The following SDK2 variants were observed in gnomAD, a reference collection of about 807,000 sequenced individuals.
The protein encoded by SDK2 is sidekick cell adhesion molecule 2.
A neutral mutation model predicts 253.9 loss-of-function variants in SDK2; 105 were observed. The observed-to-expected ratio is 0.41, with a 90% CI of 0.35 to 0.49. The LOEUF (loss-of-function observed/expected upper bound fraction) is 0.49. Ranked by LOEUF, SDK2 falls within the 20% of genes least tolerant of loss-of-function variation. SDK2 has a pLI of 0.06. For synonymous variants in SDK2, 1,249 were observed against 1,234.9 expected (o/e 1.01, Z -0.24); for missense variants, 2,608 against 3,003.0 (o/e 0.87, Z 3.07).
intron 26 of SDK2, 51 bp downstream of exon 26, chr17:73,394,158 G>A: frequency 8.7e-7 from 1 of 1,147,798 alleles, no homozygotes. Flanking sequence ...TGGATGGAGA[G>A]GCTGGAGGGG....
rs565150176 is a variant in SDK2, at chr17:73,511,062, G to A, written c.65-3465C>T. 2.6e-5 allele frequency among the ~76,000 whole-genome samples: 4 copies of A among 152,286 alleles called. No homozygotes were observed. The highest frequency in any genetic ancestry group is 4.1e-4 in the South Asian group (2 of 4,826). ...CAAGGAAAAGGACCCACTGCCCGCC[G>A]CCCGGCTGGCAGCAGCCAGCTCTGC... On this transcript the variant is annotated intron_variant, in intron 1 of 44. Coordinates refer to ENST00000392650, the MANE Select transcript of SDK2 (RefSeq NM_001144952.2). This position sits in a 1 kb window ranked among gnomAD's most constrained non-coding sequence, Gnocchi z 4.9.
chr17:73,425,775 G>A (rs544605387), intron 12 of SDK2, among the ~76,000 whole-genome samples: 6 of 152,176 alleles, frequency 3.9e-5, no homozygotes, highest in Admixed American at 1.3e-4. Context: ...CCAAAGTGCT[G>A]GGATTACAGG....
intron 5 of SDK2, among the ~76,000 whole-genome samples, chr17:73,446,877 G>C (rs1039641530): frequency 2.0e-5 from 3 of 152,132 alleles, no homozygotes; most frequent in Non-Finnish European, 4.4e-5. Flanking sequence ...ATGGAGTATG[G>C]AGGGAGGGGC....
intron 2 of SDK2, among the ~76,000 whole-genome samples, chr17:73,487,020 G>T (rs532741003): frequency 6.6e-6 from 1 of 152,296 alleles, no homozygotes; most frequent in South Asian, 2.1e-4. Context: ...TGCAACCTCT[G>T]CCTCCCAGAT....
chr17:73,561,692 T>A (rs934755507), intron 1 of SDK2, among the ~76,000 whole-genome samples: 2 of 152,240 alleles, frequency 1.3e-5, no homozygotes, highest in Admixed American at 6.5e-5. Flanking sequence ...GGGAGCACTG[T>A]GCAGACTCCT....
intron 18 of SDK2, 46 bp from the exon 19 acceptor site, chr17:73,402,187 G>T: frequency 6.3e-7 from 1 of 1,582,196 alleles, no homozygotes; most frequent in South Asian, 1.2e-5. Context: ...GAAGGTTCCA[G>T]AGGAGGCCAA....
At chr17:73,359,209 A>C (rs1201917387) in intron 39 of SDK2, among the ~76,000 whole-genome samples, 1 of 151,676 alleles carries the variant, frequency 6.6e-6, no homozygotes, top group Non-Finnish European at 1.5e-5. Context: ...GTCTCTGTGG[A>C]GCAGAGTCTA....
At chr17:73,530,120 G>T (rs1287714778) in intron 1 of SDK2, among the ~76,000 whole-genome samples, 1 of 152,162 alleles carries the variant, frequency 6.6e-6, no homozygotes, top group African/African-American at 2.4e-5. Context: ...CTTTGCTCTA[G>T]CTTCTTGTCT....
At chr17:73,573,024 A>G (rs2045409952) in intron 1 of SDK2, among the ~76,000 whole-genome samples, 1 of 152,216 alleles carries the variant, frequency 6.6e-6, no homozygotes, top group Non-Finnish European at 1.5e-5. Context: ...GGTGTGCCAC[A>G]TGAAGGAACG....
rs1261970646 is a variant in SDK2 at position 73,348,619 on chromosome 17, A to T, written c.6145T>A (p.Ser2049Thr). 6.2e-7 allele frequency: 1 copy of T among 1,612,914 alleles called. No individual in the cohort carries two copies. Among genetic ancestry groups the T allele is most frequent in the Non-Finnish European group, 8.5e-7 (1 of 1,179,726 alleles). ...CTCACCTGAGAGTCGGAGATTTCTG[A>T]GGGCTTCTCCGTCAGGCTGCTGCTC... ...AESSSLTEKP[S>T]EISDSQGSDS... Residue 2049 changes from serine (S) to threonine (T), a missense_variant, in exon 44 of 45, where the codon TCA becomes ACA. Coordinates refer to ENST00000392650, the MANE Select transcript of SDK2 (RefSeq NM_001144952.2).
In SDK2 at chr17:73,361,037, C is replaced by T. The variant is rs1403421129; in HGVS notation, c.5467+647G>A. ...GGGCGGGCAGTTACACACAAAAGGG[C>T]GTTCTGCGGAGGGGGTGGGTGGTGA... On this transcript the variant is annotated intron_variant, in intron 39 of 44. Coordinates refer to ENST00000392650, the MANE Select transcript of SDK2 (RefSeq NM_001144952.2). The surrounding 1 kb of genome is among the most constrained non-coding windows in gnomAD (Gnocchi z 4.1). 2.8e-5 allele frequency among the ~76,000 whole-genome samples: 3 copies of T among 107,266 alleles called. No individual in the cohort carries two copies. The highest frequency in any genetic ancestry group is 5.5e-5 in the Non-Finnish European group (3 of 54,794). 70.4% of individuals were successfully genotyped at this position (107,266 alleles called of 152,430 possible). A position where few individuals can be genotyped will look rare whatever the true frequency, so the allele number is the denominator to read the frequency against.
At chr17:73,440,672 C>T (rs1249823546) in intron 6 of SDK2, 140 bp downstream of exon 6, 3 of 696,502 alleles carry the variant, frequency 4.3e-6, no homozygotes, top group Non-Finnish European at 7.8e-6. Context: ...TGACAACAGC[C>T]AGCAGGTCTC....
rs752872759 is a variant in SDK2 at position 73,352,443 on chromosome 17, C to T, written c.5758+30G>A. On this transcript the variant is annotated intron_variant, in intron 41 of 44. Transcript: ENST00000392650. The surrounding 1 kb of genome is among the most constrained non-coding windows in gnomAD (Gnocchi z 4.1). Reference sequence around the variant, plus strand: ...AGCCCCCAGGCTCTGCTGTGGGGCTCCCCCACTCCCTCAGCCCCCAGGCCG... The same window carrying T: ...AGCCCCCAGGCTCTGCTGTGGGGCTTCCCCACTCCCTCAGCCCCCAGGCCG... 2 of 1,593,018 alleles carry T rather than the reference C, an allele frequency of 1.3e-6. No homozygotes were observed. Among genetic ancestry groups the T allele is most frequent in the Non-Finnish European group, 1.7e-6 (2 of 1,170,540 alleles).
chr17:73,345,013 C>T (rs1209379340), intron 44 of SDK2, among the ~76,000 whole-genome samples: 17 of 152,144 alleles, frequency 1.1e-4, no homozygotes, highest in Non-Finnish European at 1.5e-5. Context: ...GCCTCTGCAT[C>T]GCAGGAAAGA....
At chr17:73,589,910 G>A (rs932908134) in intron 1 of SDK2, among the ~76,000 whole-genome samples, 1 of 152,248 alleles carries the variant, frequency 6.6e-6, no homozygotes, top group African/African-American at 2.4e-5. Context: ...AGAAGGGACT[G>A]AAAAGGGGAG....
At chr17:73,376,159 A>G (rs1430937910) in intron 36 of SDK2, among the ~76,000 whole-genome samples, 1 of 151,592 alleles carries the variant, frequency 6.6e-6, no homozygotes, top group Admixed American at 6.6e-5. Context: ...GCACCACTGC[A>G]CTTCAGCCTG....
chr17:73,425,128 G>T (rs113113253), intron 12 of SDK2, among the ~76,000 whole-genome samples: 9 of 152,144 alleles, frequency 5.9e-5, no homozygotes, highest in Non-Finnish European at 2.9e-5. Context: ...GCTGAGGCAG[G>T]AGAATCACTT....
chr17:73,362,852 G>A (rs1195121937), intron 38 of SDK2, among the ~76,000 whole-genome samples: 1 of 152,218 alleles, frequency 6.6e-6, no homozygotes, highest in Non-Finnish European at 1.5e-5. Flanking sequence ...CGGGGTTAGT[G>A]TCATTTCCCA....
intron 1 of SDK2, among the ~76,000 whole-genome samples, chr17:73,563,952 G>A (rs1344981462): frequency 1.3e-5 from 2 of 152,006 alleles, no homozygotes; most frequent in South Asian, 2.1e-4. Context: ...GTAGAGACAC[G>A]GCTTTGCCAT....
Sources: allele counts gnomAD v4.1 joint callset (sites outside exome capture counted in the v4.1 genomes callset), GRCh38; gene constraint gnomAD v4.1.1; non-coding constraint Gnocchi (gnomAD v3.1); transcripts MANE v1.5; gene names NCBI Gene and HGNC (gene_info 2026-07-23, HGNC 2026-07-21).